Variants in XKR5 observed in about 807,000 individuals in gnomAD.
XKR5 encodes the protein XK related 5.
XKR5 carries 46 observed loss-of-function variants against 40.8 expected under a neutral mutation model. The ratio of observed to expected loss-of-function variants is 1.13; its 90% confidence interval spans 0.89 to 1.44. The LOEUF is 1.44. XKR5 is among the 40% of genes most tolerant of loss of function. XKR5 has a pLI of 0.00. For missense variants in XKR5, 1,169 were observed against 844.7 expected (o/e 1.38, Z -4.76); for synonymous variants, 466 against 356.1 (o/e 1.31, Z -3.48).
Position 6,823,720 on chromosome 8 carries a change from G to T in XKR5, c.438C>A (p.Thr146=), listed in dbSNP as rs1804343237. 2 of 1,579,038 alleles carry T rather than the reference G, an allele frequency of 1.3e-6. No individual in the cohort carries two copies. The highest frequency in any genetic ancestry group is 1.7e-6 in the Non-Finnish European group (2 of 1,162,654). The change falls in exon 4 of 7, where the codon ACC becomes ACA. Residue 146 remains threonine (T), a synonymous_variant. Transcript: ENST00000618742. ...DFTDIVPGVS[T]LFSWSSLSWA... ...AGGAGAGTGAGGACCAGGAAAACAG[G>T]GTGCTCACCCCTGAAAGGGAAGCAG...
chr8:6,814,209 G>A (rs1435058562), intron 6 of XKR5, among the ~76,000 whole-genome samples: 2 of 152,164 alleles, frequency 1.3e-5, no homozygotes, highest in East Asian at 3.9e-4. Flanking sequence ...AATGCTCTGC[G>A]ATTCAAATGA....
rs896939925 is a variant in XKR5, at chr8:6,812,424, T to A, written c.920-85A>T. On this transcript the variant is annotated intron_variant, in intron 6 of 6. Coordinates refer to ENST00000618742, the MANE Select transcript of XKR5 (RefSeq NM_207411.5). ...GTGTGCAGTTTCAGGTTCTGGCCCT[T>A]TTGTGTAGAGGAAGATAATTTGGGA... is the stretch of plus-strand genomic sequence containing the variant. 6.0e-5 allele frequency: 83 copies of A among 1,384,526 alleles called. 1 individual carries two copies. In the South Asian group the frequency reaches 1.2e-3, roughly 21 times the overall value. 85.8% of individuals were successfully genotyped at this position (1,384,526 alleles called of 1,614,324 possible). A position where few individuals can be genotyped will look rare whatever the true frequency, so the allele number is the denominator to read the frequency against.
rs756480410 is a variant in XKR5 at position 6,832,912 on chromosome 8, G to C, written c.59-12C>G. 3 of 1,548,106 alleles carry C rather than the reference G, an allele frequency of 1.9e-6. No homozygotes were observed. The highest frequency in any genetic ancestry group is 2.8e-5 in the African/African-American group (2 of 71,538). On this transcript the variant is annotated splice_polypyrimidine_tract_variant and intron_variant, in intron 1 of 6. Transcript: ENST00000618742. ...CACGGTGTAAAGGCCTGGGTGAGAAGGGGAAAGGCAAGCAGGTTGTTGGAA... is the reference window on the plus strand; with the variant it reads ...CACGGTGTAAAGGCCTGGGTGAGAACGGGAAAGGCAAGCAGGTTGTTGGAA...
chr8:6,832,212 C>T (rs1008363620), intron 2 of XKR5, among the ~76,000 whole-genome samples: 1 of 152,048 alleles, frequency 6.6e-6, no homozygotes, highest in Admixed American at 6.5e-5. Context: ...GCCCACCAGG[C>T]CCCAGAACTA....
chr8:6,825,897 G>C (rs1288979421), intron 2 of XKR5, among the ~76,000 whole-genome samples: 1 of 152,218 alleles, frequency 6.6e-6, no homozygotes, highest in African/African-American at 2.4e-5. Context: ...GGAGTGGCCA[G>C]AGGTCCAGGT....
At chr8:6,819,271 G>A (rs940389169) in intron 5 of XKR5, among the ~76,000 whole-genome samples, 38 of 152,188 alleles carry the variant, frequency 2.5e-4, no homozygotes, top group African/African-American at 8.4e-4. Flanking sequence ...CTGCTGTCTC[G>A]AGGGCTGGGG....
rs767476400 is a variant in XKR5, at chr8:6,811,223, T to C, written c.2036A>G (p.Lys679Arg). ...QTDCSCREQM[K>R]QEPSFFI ...TCAGATGAAAAAACTCGGCTCTTGCTTCATCTGTTCCCTGCAGCTGCAGTC... is the reference window on the plus strand; with the variant it reads ...TCAGATGAAAAAACTCGGCTCTTGCCTCATCTGTTCCCTGCAGCTGCAGTC... Residue 679 changes from lysine (K) to arginine (R), a missense_variant, in exon 7 of 7, where the codon AAG becomes AGG. Coordinates refer to ENST00000618742, the MANE Select transcript of XKR5 (RefSeq NM_207411.5). 8.5e-5 allele frequency: 130 copies of C among 1,536,570 alleles called. No individual in the cohort carries two copies. The highest frequency in any genetic ancestry group is 1.1e-4 in the Non-Finnish European group (123 of 1,146,546).
In XKR5 at chr8:6,809,348, G is replaced by C. The variant is rs572441270; in HGVS notation, c.*1850C>G. 3.7e-4 allele frequency: 57 copies of C among 152,204 alleles called. No individual in the cohort carries two copies. The highest frequency in any genetic ancestry group is 1.0e-3 in the African/African-American group (42 of 41,488). The allele number at this position is 152,204 out of a possible 1,614,324, so 9.4% of individuals were successfully genotyped here. Reference sequence around the variant, plus strand: ...TCTGTCGCCCAGGCTGGAGTGCCATGGTACGATCTCAGCTCACTGCAACCT... The same window carrying C: ...TCTGTCGCCCAGGCTGGAGTGCCATCGTACGATCTCAGCTCACTGCAACCT... On this transcript the variant is annotated 3_prime_UTR_variant, in exon 7 of 7. Transcript: ENST00000618742.
chr8:6,826,117 CAT>C (rs748151931), intron 2 of XKR5, among the ~76,000 whole-genome samples: 20 of 152,232 alleles, frequency 1.3e-4, no homozygotes, highest in Non-Finnish European at 2.6e-4. Flanking sequence ...GGTGAACACA[CAT>C]GTGGTGTACA....
intron 5 of XKR5, among the ~76,000 whole-genome samples, chr8:6,818,269 C>T (rs1477631423): frequency 1.3e-5 from 2 of 152,248 alleles, no homozygotes; most frequent in Non-Finnish European, 1.5e-5. Flanking sequence ...ACCTTTTCTT[C>T]AGGTGAACCT....
At position 6,812,080 on chromosome 8, in the gene XKR5, A is replaced by C; in HGVS notation, c.1179T>G (p.Val393=). The part of the protein sequence containing the change: ...VPPEAGLGTQ[V]AVEDSFLSHH... ...GACTGAGGAAAGAGTCCTCCACAGC[A>C]ACCTGGGTCCCCAGCCCAGCCTCTG... Residue 393 remains valine, a synonymous_variant, in exon 7 of 7, where the codon GTT becomes GTG. Transcript: ENST00000618742. 2.6e-6 allele frequency: 4 copies of C among 1,542,372 alleles called. No homozygotes were observed. The South Asian group carries it at 4.8e-5, about 18-fold the overall frequency.
rs544732545 is a variant in XKR5, at chr8:6,830,560, G to C, written c.242+2157C>G. ...AAATTGTGACCCGCTTCCGATAGCT[G>C]TGCATTCTGGCTCTATCTTGTTTTC... On this transcript the variant is annotated intron_variant, in intron 2 of 6. Coordinates refer to ENST00000618742, the MANE Select transcript of XKR5 (RefSeq NM_207411.5). 1.3e-3 allele frequency among the ~76,000 whole-genome samples: 192 copies of C among 152,286 alleles called. 2 individuals are homozygous for C. The highest frequency in any genetic ancestry group is 4.4e-3 in the African/African-American group (184 of 41,548).
At chr8:6,824,151 T>C (rs1254952599) in intron 3 of XKR5, among the ~76,000 whole-genome samples, 1 of 152,202 alleles carries the variant, frequency 6.6e-6, no homozygotes, top group African/African-American at 2.4e-5. Flanking sequence ...GAAGGAGGTT[T>C]AATAAAAGAA....
In XKR5 at chr8:6,826,490, A is replaced by G. The variant is rs147009956; in HGVS notation, c.243-1141T>C. On this transcript the variant is annotated intron_variant, in intron 2 of 6. Transcript: ENST00000618742. ...GCAGGAAATAGTGGAGTTGGAGATC[A>G]GGATTTGATGACTGAACAGGGGAGA... 2.4e-4 allele frequency among the ~76,000 whole-genome samples: 36 copies of G among 152,250 alleles called. 1 individual carries two copies. In the East Asian group the frequency reaches 6.4e-3, roughly 27 times the overall value.
At chr8:6,829,482 AG>A (rs1323981698) in intron 2 of XKR5, among the ~76,000 whole-genome samples, 1 of 152,216 alleles carries the variant, frequency 6.6e-6, no homozygotes, top group Non-Finnish European at 1.5e-5. Flanking sequence ...AACGTTAAAA[AG>A]AATACACTTA....
At chr8:6,835,362 C>A in intron 1 of XKR5, 74 bp downstream of exon 1, 1 of 1,336,278 alleles carries the variant, frequency 7.5e-7, no homozygotes, top group Non-Finnish European at 9.6e-7. Flanking sequence ...GCATAGGCAG[C>A]CTGTGCGGCT....
intron 2 of XKR5, among the ~76,000 whole-genome samples, chr8:6,831,939 C>G (rs977495389): frequency 8.8e-5 from 13 of 146,894 alleles, no homozygotes; most frequent in African/African-American, 3.0e-4. Context: ...CGCTTGAACC[C>G]AGGAGGCGGA....
rs965822622 is a variant in XKR5, at chr8:6,832,909, G to A, written c.59-9C>T. ...AGCCACGGTGTAAAGGCCTGGGTGA[G>A]AAGGGGAAAGGCAAGCAGGTTGTTG... On this transcript the variant is annotated splice_polypyrimidine_tract_variant and intron_variant, in intron 1 of 6. Transcript: ENST00000618742. The A allele has an allele frequency of 3.2e-6, 5 of 1,554,200 alleles. No individual in the cohort carries two copies. The African/African-American group carries it at 7.0e-5, about 22-fold the overall frequency.
intron 5 of XKR5, among the ~76,000 whole-genome samples, chr8:6,819,871 CCCT>C (rs1804153506): frequency 6.9e-6 from 1 of 145,240 alleles, no homozygotes; most frequent in Admixed American, 6.8e-5. Flanking sequence ...TTCCTTCCCT[CCCT>C]CCTTCCTTCC....
Sources: allele counts gnomAD v4.1 joint callset (sites outside exome capture counted in the v4.1 genomes callset), GRCh38; gene constraint gnomAD v4.1.1; transcripts MANE v1.5; gene names NCBI Gene and HGNC (gene_info 2026-07-23, HGNC 2026-07-21).